CPPED1: variants seen among roughly 807,000 people sequenced by gnomAD.
The protein encoded by CPPED1 is serine/threonine-protein phosphatase CPPED1.
In CPPED1, 28 loss-of-function variants were observed where a neutral mutation model predicts 28.0. The observed-to-expected ratio is 1.00, with a 90% CI of 0.74 to 1.37. CPPED1 has a LOEUF of 1.37. Ranked by LOEUF, CPPED1 falls within the 40% of genes most tolerant of loss-of-function variation. The pLI, the probability that CPPED1 is intolerant of heterozygous loss-of-function variation, is 0.00. For missense variants in CPPED1, 504 were observed against 416.5 expected, an observed-to-expected ratio of 1.21 and a Z score of -1.83; for synonymous variants, 198 against 180.2, an observed-to-expected ratio of 1.10 and a Z score of -0.79.
At chr16:12,683,961 C>T (rs755435107) in intron 3 of CPPED1, among the ~76,000 whole-genome samples, 17 of 152,162 alleles carry the variant, frequency 1.1e-4, no homozygotes, top group East Asian at 3.9e-4. Flanking sequence ...TCCTCAAGAT[C>T]GCAAGATGGC....
At chr16:12,766,265 AGAGAGAGAGAGG>A (rs1371660199) in intron 2 of CPPED1, among the ~76,000 whole-genome samples, 1 of 143,780 alleles carries the variant, frequency 7.0e-6, no homozygotes, top group African/African-American at 2.8e-5. Flanking sequence ...ATAGAGAGAG[AGAGAGAGAGAGG>A]GAGAGAGAGA....
chr16:12,801,597 TTG>T, intron 1 of CPPED1, among the ~76,000 whole-genome samples: 1 of 151,988 alleles, frequency 6.6e-6, no homozygotes, highest in Non-Finnish European at 1.5e-5. Context: ...AGAACATAGC[TTG>T]TAGGTATATG....
At chr16:12,676,810 A>G (rs555041803) in intron 3 of CPPED1, among the ~76,000 whole-genome samples, 2 of 152,272 alleles carry the variant, frequency 1.3e-5, no homozygotes, top group Non-Finnish European at 2.9e-5. Context: ...CTGTCTAGAC[A>G]TTGTTCTAGG....
chr16:12,796,439 G>A (rs945479857), intron 1 of CPPED1, among the ~76,000 whole-genome samples: 1 of 151,972 alleles, frequency 6.6e-6, no homozygotes, highest in Non-Finnish European at 1.5e-5. Context: ...AGCTTGCAGT[G>A]AGCCGAGATC....
At chr16:12,665,988 G>T (rs780225992) in intron 3 of CPPED1, among the ~76,000 whole-genome samples, 15 of 151,984 alleles carry the variant, frequency 9.9e-5, no homozygotes, top group Middle Eastern at 3.2e-3. Context: ...CTGGTGGCGG[G>T]CATCTGTAAT....
At chr16:12,673,939 C>T (rs1176180019) in intron 3 of CPPED1, among the ~76,000 whole-genome samples, 1 of 152,052 alleles carries the variant, frequency 6.6e-6, no homozygotes, top group African/African-American at 2.4e-5. Flanking sequence ...GTTCCAGCTA[C>T]TCGGGAGGCT....
chr16:12,791,503 C>T (rs1204882148), intron 1 of CPPED1, among the ~76,000 whole-genome samples: 1 of 152,146 alleles, frequency 6.6e-6, no homozygotes, highest in South Asian at 2.1e-4. Flanking sequence ...ATCTTAAGAT[C>T]ATGTGTCATC....
At chr16:12,772,954 T>C (rs905397850) in intron 2 of CPPED1, among the ~76,000 whole-genome samples, 1 of 152,216 alleles carries the variant, frequency 6.6e-6, no homozygotes, top group Admixed American at 6.5e-5. Flanking sequence ...AACATATGAA[T>C]ATGCTCACTA....
rs1294608712 is a variant in CPPED1 at position 12,776,199 on chromosome 16, G to T, written c.289+4986C>A. On this transcript the variant is annotated intron_variant, in intron 2 of 3. Coordinates refer to ENST00000381774, the MANE Select transcript of CPPED1 (RefSeq NM_018340.3). ...CAGACGGGAGAAAAGGTGCAATGCT[G>T]CTGGCTTTGAAGGCAGAAGAAGGAG... Among the ~76,000 whole-genome samples the T allele has an allele frequency of 2.0e-5, 3 of 152,158 alleles. No homozygotes were observed. In the East Asian group the frequency reaches 5.8e-4, roughly 29 times the overall value.
chr16:12,699,623 C>T (rs1048835345), intron 3 of CPPED1, among the ~76,000 whole-genome samples: 5 of 152,106 alleles, frequency 3.3e-5, no homozygotes, highest in Admixed American at 6.5e-5. Context: ...TTTACCTCCA[C>T]GGTGGTTTGG....
chr16:12,721,036 C>A (rs2099392806), intron 2 of CPPED1, among the ~76,000 whole-genome samples: 1 of 152,156 alleles, frequency 6.6e-6, no homozygotes, highest in Non-Finnish European at 1.5e-5. Flanking sequence ...GGCCACAAAG[C>A]TTTTCTTAGG....
chr16:12,754,602 A>G (rs1314123007), intron 2 of CPPED1, among the ~76,000 whole-genome samples: 6 of 152,216 alleles, frequency 3.9e-5, no homozygotes, highest in African/African-American at 1.2e-4. Flanking sequence ...ATTTATAAAA[A>G]TCCAATTTCA....
intron 2 of CPPED1, chr16:12,752,982 GCC>G (rs1318900674): frequency 6.6e-6 from 1 of 151,382 alleles, no homozygotes; most frequent in Non-Finnish European, 1.5e-5. Context: ...AAACTCTCTT[GCC>G]TTTCAGATTC....
chr16:12,773,942 G>A (rs944867612), intron 2 of CPPED1, among the ~76,000 whole-genome samples: 1 of 152,116 alleles, frequency 6.6e-6, no homozygotes, highest in Non-Finnish European at 1.5e-5. Flanking sequence ...AAAACAGTGT[G>A]CCCAGGGAAA....
intron 2 of CPPED1, among the ~76,000 whole-genome samples, chr16:12,771,472 A>C (rs890136649): frequency 6.6e-6 from 1 of 152,228 alleles, no homozygotes; most frequent in Admixed American, 6.5e-5. Flanking sequence ...ATACGGACAC[A>C]CAGACACACA....
At chr16:12,675,913 G>A (rs2079875296) in intron 3 of CPPED1, among the ~76,000 whole-genome samples, 1 of 152,204 alleles carries the variant, frequency 6.6e-6, no homozygotes, top group African/African-American at 2.4e-5. Context: ...CCTCCTGCCG[G>A]TAAAGAATTT....
chr16:12,795,785 T>C (rs1397791054), intron 1 of CPPED1, among the ~76,000 whole-genome samples: 1 of 152,144 alleles, frequency 6.6e-6, no homozygotes, highest in Non-Finnish European at 1.5e-5. Flanking sequence ...ATTTACTCAA[T>C]ATTAAATGGT....
chr16:12,796,051 C>A (rs1385944863), intron 1 of CPPED1, among the ~76,000 whole-genome samples: 2 of 151,186 alleles, frequency 1.3e-5, no homozygotes, highest in Non-Finnish European at 2.9e-5. Flanking sequence ...CCACTGCACT[C>A]TAGCCTGGGC....
Position 12,662,808 on chromosome 16 carries a change from T to C in CPPED1, c.*2078A>G, listed in dbSNP as rs920730750. On this transcript the variant is annotated 3_prime_UTR_variant, in exon 4 of 4. Transcript: ENST00000381774. ...GATGTGATTCCCTTTTCTTTGCATA[T>C]TCTTGGGGTACTTTTGAATCAGTTC... 6.6e-6 allele frequency: 1 copy of C among 152,262 alleles called. No homozygotes were observed. The highest frequency in any genetic ancestry group is 2.4e-5 in the African/African-American group (1 of 41,474). 9.4% of individuals were successfully genotyped at this position (152,262 alleles called of 1,614,324 possible).
Sources: gnomAD v4.1 joint callset for allele counts (sites outside exome capture counted in the v4.1 genomes callset) on GRCh38, gnomAD v4.1.1 for gene constraint, MANE v1.5 for transcripts, NCBI Gene and HGNC (gene_info 2026-07-23, HGNC 2026-07-21) for gene names.